Variants in UTRN observed in about 807,000 individuals in gnomAD.
UTRN encodes utrophin.
UTRN carries 283 observed loss-of-function variants against 463.9 expected under a neutral mutation model. The ratio of observed to expected loss-of-function variants is 0.61; its 90% CI spans 0.55 to 0.67. UTRN has a LOEUF of 0.67. Ranked by LOEUF, UTRN falls within the 30% of genes least tolerant of loss-of-function variation. The probability of loss-of-function intolerance (pLI) is 0.00; values close to 1 mark genes in which losing one functional copy is unlikely to be tolerated. For synonymous variants in UTRN, 1,442 were observed against 1,431.5 expected (o/e 1.01, Z -0.17); for missense variants, 3,922 against 4,084.3 (o/e 0.96, Z 1.08).
chr6:144,538,786 G>A (rs1797759297), intron 44 of UTRN, among the ~76,000 whole-genome samples: 1 of 152,132 alleles, frequency 6.6e-6, no homozygotes, highest in Non-Finnish European at 1.5e-5. Flanking sequence ...TATGATTGAA[G>A]CATTTTGAGA....
At chr6:144,322,942 C>CA (rs554231419) in intron 2 of UTRN, among the ~76,000 whole-genome samples, 11,732 of 86,224 alleles carry the variant, frequency 0.14, 597 homozygotes, top group Middle Eastern at 0.26. Flanking sequence ...GACTCCGTCT[C>CA]AAAAAAAAAA....
intron 2 of UTRN, among the ~76,000 whole-genome samples, chr6:144,357,749 A>G (rs1454702648): frequency 1.3e-5 from 2 of 152,224 alleles, no homozygotes; most frequent in Non-Finnish European, 2.9e-5. Context: ...TTTGGGAAAC[A>G]TTTATTTGCT....
rs1380879743 is a variant in UTRN, at chr6:144,851,439, A to G, written c.*442A>G. The stretch of plus-strand genomic sequence containing the variant: ...CATATTAACCTTGCACAATTACTTC[A>G]TTTTTTCTTTGACTCTTTTACCACA... On this transcript the variant is annotated 3_prime_UTR_variant, in exon 75 of 75. Transcript: ENST00000367545. 1.3e-5 allele frequency: 2 copies of G among 157,544 alleles called. No individual in the cohort carries two copies. The highest frequency in any genetic ancestry group is 3.7e-4 in the East Asian group (2 of 5,434). The allele number at this position is 157,544 out of a possible 1,614,324, so 9.8% of individuals were successfully genotyped here.
chr6:144,637,513 C>T (rs1226532025), intron 51 of UTRN, among the ~76,000 whole-genome samples: 2 of 151,806 alleles, frequency 1.3e-5, no homozygotes, highest in African/African-American at 2.4e-5. Context: ...CATGTTATAA[C>T]GTGCAACGTC....
chr6:144,555,584 C>A (rs1799307515), intron 49 of UTRN, among the ~76,000 whole-genome samples: 2 of 152,204 alleles, frequency 1.3e-5, no homozygotes. Context: ...GCGTGCACCA[C>A]CATGCCCAGC....
At chr6:144,334,864 A>G (rs954064386) in intron 2 of UTRN, among the ~76,000 whole-genome samples, 1 of 152,172 alleles carries the variant, frequency 6.6e-6, no homozygotes, top group Non-Finnish European at 1.5e-5. Flanking sequence ...GTGTCCTGAA[A>G]CCTCAATAAC....
chr6:144,441,703 C>G (rs998911525), intron 13 of UTRN, among the ~76,000 whole-genome samples: 5 of 152,232 alleles, frequency 3.3e-5, no homozygotes, highest in African/African-American at 1.2e-4. Context: ...GGCCACATTT[C>G]CCTTCTGCAC....
At chr6:144,623,708 C>T (rs1775667692) in intron 51 of UTRN, among the ~76,000 whole-genome samples, 1 of 152,034 alleles carries the variant, frequency 6.6e-6, no homozygotes, top group Non-Finnish European at 1.5e-5. Context: ...TCACTATTTG[C>T]TTTGTTAGTA....
At chr6:144,600,311 G>A (rs1370320582) in intron 51 of UTRN, among the ~76,000 whole-genome samples, 1 of 152,206 alleles carries the variant, frequency 6.6e-6, no homozygotes, top group Non-Finnish European at 1.5e-5. Flanking sequence ...TCCAAAGTCA[G>A]GATAGGTCAA....
At chr6:144,787,715 T>G (rs2128741679) in intron 61 of UTRN, among the ~76,000 whole-genome samples, 1 of 152,304 alleles carries the variant, frequency 6.6e-6, no homozygotes, top group African/African-American at 2.4e-5. Flanking sequence ...AGAAGACTGC[T>G]TAAAATTAAA....
At chr6:144,598,572 G>A (rs1233881551) in intron 51 of UTRN, among the ~76,000 whole-genome samples, 2 of 152,182 alleles carry the variant, frequency 1.3e-5, no homozygotes, top group Admixed American at 1.3e-4. Flanking sequence ...ATTCTCTATG[G>A]AATGTAGATT....
In UTRN at chr6:144,462,824, A is replaced by G. The variant is rs2128562051; in HGVS notation, c.3024A>G (p.Leu1008=). ...NKLKVLVSKD[L]HLLEEIALTL... ...TAAAGGTCTTGGTTTCCAAAGATCT[A>G]CATTTGCTTGAGGAAATTGCTCTCA... is the stretch of plus-strand genomic sequence containing the variant. Residue 1008 remains leucine (L), a synonymous_variant, in exon 23 of 75, where the codon CTA becomes CTG. Coordinates refer to ENST00000367545, the MANE Select transcript of UTRN (RefSeq NM_007124.3). The G allele has an allele frequency of 6.2e-7, 1 of 1,608,082 alleles. No homozygotes were observed. The highest frequency in any genetic ancestry group is 8.5e-7 in the Non-Finnish European group (1 of 1,178,766).
chr6:144,628,379 A>G (rs570888941), intron 51 of UTRN, among the ~76,000 whole-genome samples: 1 of 151,798 alleles, frequency 6.6e-6, no homozygotes, highest in African/African-American at 2.4e-5. Context: ...TTATTATTGT[A>G]CTCCTGAGAG....
chr6:144,420,535 G>A (rs1370456935), intron 3 of UTRN, among the ~76,000 whole-genome samples: 1 of 152,178 alleles, frequency 6.6e-6, no homozygotes, highest in Non-Finnish European at 1.5e-5. Flanking sequence ...GGATTTTCTG[G>A]CATCAGACAC....
chr6:144,571,374 A>G (rs1800922913), intron 50 of UTRN, among the ~76,000 whole-genome samples: 1 of 152,170 alleles, frequency 6.6e-6, no homozygotes, highest in Non-Finnish European at 1.5e-5. Context: ...AACAACCACT[A>G]AGCACTGAAA....
intron 7 of UTRN, among the ~76,000 whole-genome samples, chr6:144,428,070 G>A (rs1296528862): frequency 6.6e-6 from 1 of 152,094 alleles, no homozygotes; most frequent in Admixed American, 6.6e-5. Context: ...CAGAAGGTGG[G>A]TGGGTCTAAC....
rs367903992 is a variant in UTRN, at chr6:144,437,734, A to G, written c.1229A>G (p.Asp410Gly). 5 of 1,613,108 alleles carry G rather than the reference A, an allele frequency of 3.1e-6. No homozygotes were observed. Among genetic ancestry groups the G allele is most frequent in the Non-Finnish European group, 4.2e-6 (5 of 1,179,618 alleles). Residue 410 changes from aspartate to glycine, a missense_variant, in exon 11 of 75, where the codon GAC (aspartate) becomes GGC (glycine). This residue lies in a region of UTRN where 2,349 missense variants were observed against 2,303.8 expected (regional missense o/e 1.02). Coordinates refer to ENST00000367545, the MANE Select transcript of UTRN (RefSeq NM_007124.3). ...RWEALRVESM[D>G]RQSRLHDVLM... Reference sequence around the variant, plus strand: ...GAGGCTCTTAGGGTGGAGAGTATGGACAGACAGTCCCGGTGAGTGGAAAGC... The same window carrying G: ...GAGGCTCTTAGGGTGGAGAGTATGGGCAGACAGTCCCGGTGAGTGGAAAGC...
At chr6:144,708,349 T>C in intron 53 of UTRN, 4 of 663,500 alleles carry the variant, frequency 6.0e-6, no homozygotes, top group Non-Finnish European at 1.2e-5. Flanking sequence ...GTCCCAAAAC[T>C]GAATCGATAA....
intron 51 of UTRN, among the ~76,000 whole-genome samples, chr6:144,579,407 C>G (rs2128625705): frequency 6.6e-6 from 1 of 152,206 alleles, no homozygotes; most frequent in Non-Finnish European, 1.5e-5. Flanking sequence ...CAGTAGCTAT[C>G]TAGGCTGTGC....
Sources: gnomAD v4.1 joint callset for allele counts (sites outside exome capture counted in the v4.1 genomes callset) on GRCh38, gnomAD v4.1.1 for gene constraint, gnomAD v4.1.1 regional missense constraint, MANE v1.5 for transcripts, NCBI Gene and HGNC (gene_info 2026-07-23, HGNC 2026-07-21) for gene names.